Variants in SLC33A1 observed in about 807,000 individuals in gnomAD.
SLC33A1 encodes solute carrier family 33 member 1, also known as acetyl-coenzyme A transporter 1.
Under a neutral mutation model 50.0 loss-of-function variants are expected in SLC33A1, and 20 were observed. That is an observed-to-expected ratio of 0.40 (90% CI 0.28 to 0.58). SLC33A1 has a LOEUF of 0.58. SLC33A1 is among the 20% of genes least tolerant of loss of function. The pLI is 0.44. For synonymous variants in SLC33A1, 265 were observed against 251.8 expected, an observed-to-expected ratio of 1.05 and a Z score of -0.50; for missense variants, 476 against 657.0, an observed-to-expected ratio of 0.72 and a Z score of 3.01.
chr3:155,843,978 T>A (rs887175552), intron 1 of SLC33A1, among the ~76,000 whole-genome samples: 3 of 152,194 alleles, frequency 2.0e-5, no homozygotes, highest in Admixed American at 6.5e-5. Flanking sequence ...CCATTTTAGA[T>A]GCTTTTACTT....
At position 155,825,430 on chromosome 3, in the gene SLC33A1, A is replaced by G. The variant is rs1476642660; in HGVS notation, c.*2780T>C. On this transcript the variant is annotated 3_prime_UTR_variant, in exon 6 of 6. Transcript: ENST00000643144. ...CTTGGCCTCCTAAAGTGTTGTGATTACAGGTGTGAGCCACAGCATCCAGCC... is the reference window on the plus strand; with the variant it reads ...CTTGGCCTCCTAAAGTGTTGTGATTGCAGGTGTGAGCCACAGCATCCAGCC... 1 of 152,230 alleles carries G rather than the reference A, an allele frequency of 6.6e-6. No homozygotes were observed. The highest frequency in any genetic ancestry group is 2.4e-5 in the African/African-American group (1 of 41,424). 9.4% of individuals were successfully genotyped at this position (152,230 alleles called of 1,614,324 possible).
Position 155,853,940 on chromosome 3 carries a change from T to C in SLC33A1, c.58A>G (p.Ser20Gly), listed in dbSNP as rs985719947. The C allele has an allele frequency of 7.2e-6, 11 of 1,536,614 alleles. No homozygotes were observed. The South Asian group carries it at 1.3e-4, about 18-fold the overall frequency. The change falls in exon 1 of 6, where the codon AGT becomes GGT. Residue 20 changes from serine to glycine, a missense_variant. By Grantham distance (56) the Ser-to-Gly change is moderately conservative (BLOSUM62 0). Coordinates refer to ENST00000643144, the MANE Select transcript of SLC33A1 (RefSeq NM_004733.4). ...SSRQRRPGNF[S>G]HSLDMKSGPL... ...CCGCTCTTCATATCCAGAGAGTGAC[T>C]GAAATTCCCTGGCCGCCGTTGCCGG...
intron 2 of SLC33A1, among the ~76,000 whole-genome samples, chr3:155,836,526 A>T (rs1752689841): frequency 6.6e-6 from 1 of 152,086 alleles, no homozygotes; most frequent in African/African-American, 2.4e-5. Context: ...TAAAATGTTA[A>T]AAAAGTCTTA....
chr3:155,836,280 CAAAAAAAAAAAAAAAAAAA>C lies in SLC33A1; in HGVS notation c.964-2258_964-2240del, dbSNP rs57460942. Among the ~76,000 whole-genome samples the C allele has an allele frequency of 2.1e-3, 57 of 27,180 alleles. No individual in the cohort carries two copies. The East Asian group carries it at 0.035, about 17-fold the overall frequency. 17.8% of individuals were successfully genotyped at this position (27,180 alleles called of 152,430 possible). A position where few individuals can be genotyped will look rare whatever the true frequency, so the allele number is the denominator to read the frequency against. On this transcript the variant is annotated intron_variant, in intron 2 of 5. Transcript: ENST00000643144. ...GCCTGGTGACAGAGTGAGACTCTGT[CAAAAAAAAAAAAAAAAAAA>C]AAAAAAAAAAAAAAGGAAAGAAAGA... is the stretch of plus-strand genomic sequence containing the variant.
chr3:155,833,094 CA>C (rs1480590086), intron 4 of SLC33A1, among the ~76,000 whole-genome samples: 6 of 151,742 alleles, frequency 4.0e-5, no homozygotes, highest in Admixed American at 3.3e-4. Context: ...ACTAAAAATA[CA>C]AAAATTAGCC....
chr3:155,830,385 T>A (rs1752379374), intron 4 of SLC33A1, among the ~76,000 whole-genome samples: 1 of 150,238 alleles, frequency 6.7e-6, no homozygotes, highest in African/African-American at 2.4e-5. Flanking sequence ...AAAAAATAAA[T>A]AAATAAAAAT....
At chr3:155,850,388 T>C (rs1217762480) in intron 1 of SLC33A1, among the ~76,000 whole-genome samples, 1 of 152,208 alleles carries the variant, frequency 6.6e-6, no homozygotes, top group African/African-American at 2.4e-5. Context: ...AAGGAGATGA[T>C]GTTACTTAAG....
Position 155,824,284 on chromosome 3 carries a change from C to T in SLC33A1, c.*3926G>A, listed in dbSNP as rs770012822. On this transcript the variant is annotated 3_prime_UTR_variant, in exon 6 of 6. Coordinates refer to ENST00000643144, the MANE Select transcript of SLC33A1 (RefSeq NM_004733.4). The stretch of plus-strand genomic sequence containing the variant: ...TCATTTTAGCAGGGTCTATGACATA[C>T]AGCTTTAGTCATTCTTTCAATTACT... 1 of 152,184 alleles carries T rather than the reference C, an allele frequency of 6.6e-6. No individual in the cohort carries two copies. Among genetic ancestry groups the T allele is most frequent in the Non-Finnish European group, 1.5e-5 (1 of 68,028 alleles). 9.4% of individuals were successfully genotyped at this position (152,184 alleles called of 1,614,324 possible). A position where few individuals can be genotyped will look rare whatever the true frequency, so the allele number is the denominator to read the frequency against.
Position 155,826,468 on chromosome 3 carries a change from G to T in SLC33A1, c.*1742C>A. The stretch of plus-strand genomic sequence containing the variant: ...CGGGAAGAAATAAAAGGTTATTATG[G>T]CAATCTGAGTTTCTTAATCCAAAAA... On this transcript the variant is annotated 3_prime_UTR_variant, in exon 6 of 6. Transcript: ENST00000643144. 1 of 151,776 alleles carries T rather than the reference G, an allele frequency of 6.6e-6. No homozygotes were observed. The highest frequency in any genetic ancestry group is 1.5e-5 in the Non-Finnish European group (1 of 67,970). 9.4% of individuals were successfully genotyped at this position (151,776 alleles called of 1,614,324 possible).
Position 155,853,521 on chromosome 3 carries a change from G to A in SLC33A1, c.477C>T (p.Ser159=). 1.2e-6 allele frequency: 2 copies of A among 1,614,130 alleles called. No homozygotes were observed. Among genetic ancestry groups the A allele is most frequent in the Non-Finnish European group, 1.7e-6 (2 of 1,180,008 alleles). Reference sequence around the variant, plus strand: ...TCCCAAGCAAACGGTCCACCTGAGTGGATAAATAGATCATGAAGAGTCCTA... The same window carrying A: ...TCCCAAGCAAACGGTCCACCTGAGTAGATAAATAGATCATGAAGAGTCCTA... ...YILGLFMIYL[S]TQVDRLLGNT... The change falls in exon 1 of 6, where the codon TCC becomes TCT. Residue 159 remains serine (S), a synonymous_variant. Coordinates refer to ENST00000643144, the MANE Select transcript of SLC33A1 (RefSeq NM_004733.4).
In SLC33A1 at chr3:155,853,431, C is replaced by G. The variant is rs1293005862; in HGVS notation, c.567G>C (p.Leu189Phe). ...LTVAFFLFEF[L>F]AATQDIAVDG... ...CGACGGCAATGTCCTGAGTGGCGGC[C>G]AAGAATTCAAACAAAAAGAACGCCA... Residue 189 changes from leucine (L) to phenylalanine (F), a missense_variant, in exon 1 of 6, where the codon TTG becomes TTC. Physicochemically the swap from Leu to Phe is conservative, Grantham distance 22. Coordinates refer to ENST00000643144, the MANE Select transcript of SLC33A1 (RefSeq NM_004733.4). 1.2e-6 allele frequency: 2 copies of G among 1,614,032 alleles called. No homozygotes were observed. The highest frequency in any genetic ancestry group is 1.7e-6 in the Non-Finnish European group (2 of 1,180,032).
chr3:155,851,474 C>G (rs1753398536), intron 1 of SLC33A1, among the ~76,000 whole-genome samples: 1 of 151,676 alleles, frequency 6.6e-6, no homozygotes. Flanking sequence ...CTGGCTCTAC[C>G]TCCTCAGCTC....
rs758438946 is a variant in SLC33A1, at chr3:155,853,480, GT to G, written c.517del (p.Thr173HisfsTer4). The G allele has an allele frequency of 1.9e-6, 3 of 1,614,000 alleles. No homozygotes were observed. Among genetic ancestry groups the G allele is most frequent in the African/African-American group, 1.3e-5 (1 of 74,914 alleles). ...CACAGTGAGAGCAATCACGTCGGGT[GT>G]TCTGTCATCGGTATTCCCAAGCAAA... is the stretch of plus-strand genomic sequence containing the variant. ...DRLLGNTDDR[T>X]PDVIALTVAF... On this transcript the variant is annotated frameshift_variant, in exon 1 of 6. Transcript: ENST00000643144. LOFTEE classifies it high-confidence loss of function.
At chr3:155,853,046 A>G (rs951159922) in intron 1 of SLC33A1, 177 bp downstream of exon 1, 8 of 632,746 alleles carry the variant, frequency 1.3e-5, no homozygotes, top group Non-Finnish European at 1.9e-5. Flanking sequence ...GATTGCTCTA[A>G]TATCATTCAT....
chr3:155,839,132 T>C (rs932097525), intron 2 of SLC33A1, among the ~76,000 whole-genome samples: 1 of 150,572 alleles, frequency 6.6e-6, no homozygotes, highest in African/African-American at 2.4e-5. Flanking sequence ...CTACTAAAAA[T>C]AAAAATGAAA....
Position 155,833,997 on chromosome 3 carries a change from T to C in SLC33A1, c.1008A>G (p.Val336=), listed in dbSNP as rs1314992023. ...AATGTTCTTTGGGTACTCCCTCTTC[T>C]ACCAATTTCAGTCCTGTTACAGCAT... ...AADAVTGLKL[V]EEGVPKEHLA... Residue 336 remains valine, a synonymous_variant, in exon 3 of 6, where the codon GTA becomes GTG. Transcript: ENST00000643144. 6.2e-7 allele frequency: 1 copy of C among 1,613,968 alleles called. No individual in the cohort carries two copies. Among genetic ancestry groups the C allele is most frequent in the Non-Finnish European group, 8.5e-7 (1 of 1,179,890 alleles).
chr3:155,838,225 C>A (rs890961841), intron 2 of SLC33A1, among the ~76,000 whole-genome samples: 5 of 151,264 alleles, frequency 3.3e-5, no homozygotes, highest in Admixed American at 1.3e-4. Context: ...ATCTCTTGAA[C>A]CCCGGAGGCA....
chr3:155,827,996 T>C lies in SLC33A1; in HGVS notation c.*214A>G. On this transcript the variant is annotated 3_prime_UTR_variant, in exon 6 of 6. Transcript: ENST00000643144. ...CCAGAAAAGTTGTTTTAGAATTTCC[T>C]GACCTTAAGTAAACTTTAAATACAT... 1 of 494,812 alleles carries C rather than the reference T, an allele frequency of 2.0e-6. No homozygotes were observed. Among genetic ancestry groups the C allele is most frequent in the Non-Finnish European group, 3.6e-6 (1 of 276,026 alleles). The allele number at this position is 494,812 out of a possible 1,614,324, so 30.7% of individuals were successfully genotyped here. A position where few individuals can be genotyped will look rare whatever the true frequency, so the allele number is the denominator to read the frequency against.
chr3:155,827,904 CT>C lies in SLC33A1; in HGVS notation c.*305del, dbSNP rs1464156840. Reference sequence around the variant, plus strand: ...CTGACTACATGGTTACCACCCGTGACTACTGCATTGCAGCTTAAAACATGCT... The same window carrying C: ...CTGACTACATGGTTACCACCCGTGACACTGCATTGCAGCTTAAAACATGCT... On this transcript the variant is annotated 3_prime_UTR_variant, in exon 6 of 6. Coordinates refer to ENST00000643144, the MANE Select transcript of SLC33A1 (RefSeq NM_004733.4). The C allele has an allele frequency of 3.3e-6, 1 of 307,320 alleles. No individual in the cohort carries two copies. The highest frequency in any genetic ancestry group is 2.2e-5 in the African/African-American group (1 of 45,734). The allele number at this position is 307,320 out of a possible 1,614,324, so 19.0% of individuals were successfully genotyped here.
Sources: gnomAD v4.1 joint callset for allele counts (sites outside exome capture counted in the v4.1 genomes callset) on GRCh38, gnomAD v4.1.1 for gene constraint, MANE v1.5 for transcripts, NCBI Gene and HGNC (gene_info 2026-07-23, HGNC 2026-07-21) for gene names.